The following IL13RA1 variants were observed in gnomAD, a reference collection of about 807,000 sequenced individuals.
IL13RA1 encodes the protein interleukin 13 receptor subunit alpha 1.
In IL13RA1, 14 loss-of-function variants were observed where a neutral mutation model predicts 33.8. The observed-to-expected ratio is 0.41, with a 90% CI of 0.27 to 0.65. IL13RA1 has a LOEUF of 0.65. Ranked by LOEUF, IL13RA1 falls within the 30% of genes least tolerant of loss-of-function variation. The pLI is 0.28. For missense variants in IL13RA1, 313 were observed against 327.0 expected, an observed-to-expected ratio of 0.96 and a Z score of 0.33; for synonymous variants, 116 against 115.7, an observed-to-expected ratio of 1.00 and a Z score of -0.02.
chrX:118,750,564 A>G (rs1276958871), intron 4 of IL13RA1, among the ~76,000 whole-genome samples: 1 of 111,459 alleles, frequency 9.0e-6, no homozygotes, highest in Non-Finnish European at 1.9e-5. Context: ...ATTATGAATA[A>G]AGCTACTGTA....
chrX:118,731,794 G>A (rs189770972), intron 1 of IL13RA1, among the ~76,000 whole-genome samples: 10 of 111,957 alleles, frequency 8.9e-5, no homozygotes, highest in Middle Eastern at 4.6e-3. Context: ...TAAGTAATTT[G>A]CCTGCTGGCA....
At chrX:118,776,541 G>GGT in intron 10 of IL13RA1, 30 bp downstream of exon 10, 2 of 224,601 alleles carry the variant, frequency 8.9e-6, no homozygotes, top group Non-Finnish European at 7.7e-6. Context: ...GGCTTGAAAT[G>GGT]TTTTTTTTTT....
At chrX:118,767,548 GAAAA>G (rs759733778) in intron 8 of IL13RA1, among the ~76,000 whole-genome samples, 3 of 102,325 alleles carry the variant, frequency 2.9e-5, no homozygotes, top group African/African-American at 1.1e-4. Flanking sequence ...CAAGGAAGAA[GAAAA>G]AAAAAAGGCA....
At chrX:118,770,019 C>A in intron 8 of IL13RA1, 1 of 225,887 alleles carries the variant, frequency 4.4e-6, no homozygotes, top group South Asian at 5.1e-5. Context: ...AGCAACTGCT[C>A]GGTGTGTGCT....
intron 3 of IL13RA1, among the ~76,000 whole-genome samples, chrX:118,749,351 T>C (rs1213060666): frequency 8.9e-6 from 1 of 112,413 alleles, no homozygotes; most frequent in Non-Finnish European, 1.9e-5. Flanking sequence ...TGTGTAGATA[T>C]TGTCTATGAT....
Position 118,791,781 on chromosome X carries a change from T to A in IL13RA1, c.1211T>A (p.Ile404Asn), listed in dbSNP as rs1232801644. The change falls in exon 11 of 11, where the codon ATC (isoleucine) becomes AAC (asparagine). Residue 404 changes from isoleucine (I) to asparagine (N), a missense_variant. Coordinates refer to ENST00000371666, the MANE Select transcript of IL13RA1 (RefSeq NM_001560.3). ...TTCTAGCACTGGAAGAAGTACGACA[T>A]CTATGAGAAGCAAACCAAGGAGGAA... ...DDTLHWKKYD[I>N]YEKQTKEETD... The A allele has an allele frequency of 5.8e-6, 6 of 1,040,483 alleles. No individual in the cohort carries two copies. The Admixed American group carries it at 6.7e-5, about 12-fold the overall frequency. The allele number at this position is 1,040,483 out of a possible 1,213,427, so 85.7% of individuals were successfully genotyped here. A position where few individuals can be genotyped will look rare whatever the true frequency, so the allele number is the denominator to read the frequency against.
chrX:118,732,468 T>C (rs1313238990), intron 1 of IL13RA1, among the ~76,000 whole-genome samples: 1 of 110,635 alleles, frequency 9.0e-6, no homozygotes, highest in Non-Finnish European at 1.9e-5. Context: ...GTTTGTTACA[T>C]ATGTATACAT....
At chrX:118,770,695 C>A in intron 8 of IL13RA1, 1 of 378,460 alleles carries the variant, frequency 2.6e-6, no homozygotes. Flanking sequence ...CGGCCACAGG[C>A]TCCGCATCTT....
At chrX:118,777,239 T>A (rs2017797011) in intron 10 of IL13RA1, among the ~76,000 whole-genome samples, 1 of 110,838 alleles carries the variant, frequency 9.0e-6, no homozygotes, top group African/African-American at 3.3e-5. Flanking sequence ...AATCATGCAA[T>A]AATTTGTCCT....
Position 118,792,011 on chromosome X carries a change from A to T in IL13RA1, c.*157A>T. ...CACAGGTCTTTATGTTGAGTCGCGC[A>T]CCGAAAAACTAAAAATAATGGGCGC... On this transcript the variant is annotated 3_prime_UTR_variant, in exon 11 of 11. Transcript: ENST00000371666. The T allele has an allele frequency of 3.1e-6, 1 of 327,187 alleles. No homozygotes were observed. Among genetic ancestry groups the T allele is most frequent in the South Asian group, 8.3e-5 (1 of 12,060 alleles). The allele number at this position is 327,187 out of a possible 1,213,427, so 27.0% of individuals were successfully genotyped here.
intron 8 of IL13RA1, among the ~76,000 whole-genome samples, chrX:118,773,593 GT>G (rs1207825113): frequency 8.9e-6 from 1 of 111,955 alleles, no homozygotes; most frequent in Non-Finnish European, 1.9e-5. Context: ...TAGTCTCTGA[GT>G]TTTTGAAAGA....
chrX:118,757,448 C>T (rs1364034168), intron 4 of IL13RA1, among the ~76,000 whole-genome samples: 6 of 93,171 alleles, frequency 6.4e-5, no homozygotes, highest in Non-Finnish European at 1.2e-4. Context: ...CACTGGAACT[C>T]GGGAGGCGGA....
intron 1 of IL13RA1, among the ~76,000 whole-genome samples, chrX:118,737,579 C>T: frequency 8.9e-6 from 1 of 111,816 alleles, no homozygotes; most frequent in East Asian, 2.8e-4. Flanking sequence ...CAGATAGCCC[C>T]AGGAAGCCCA....
chrX:118,791,932 T>C lies in IL13RA1; in HGVS notation c.*78T>C, dbSNP rs747123897. The stretch of plus-strand genomic sequence containing the variant: ...TCTCCATTTGTTATCTGGGAACTTA[T>C]TAAATGGAAACTGAAACTACTGCAC... On this transcript the variant is annotated 3_prime_UTR_variant, in exon 11 of 11. Coordinates refer to ENST00000371666, the MANE Select transcript of IL13RA1 (RefSeq NM_001560.3). The C allele has an allele frequency of 3.7e-5, 19 of 516,712 alleles. No individual in the cohort carries two copies. The highest frequency in any genetic ancestry group is 4.3e-5 in the Non-Finnish European group (13 of 302,668). 42.6% of individuals were successfully genotyped at this position (516,712 alleles called of 1,213,427 possible).
At chrX:118,780,429 G>A (rs2017830168) in intron 10 of IL13RA1, among the ~76,000 whole-genome samples, 1 of 112,783 alleles carries the variant, frequency 8.9e-6, no homozygotes, top group Admixed American at 9.4e-5. Flanking sequence ...CTGTCACTGT[G>A]TTAAGCCAAT....
chrX:118,763,436 T>C (rs2017611291), intron 6 of IL13RA1, among the ~76,000 whole-genome samples: 1 of 112,403 alleles, frequency 8.9e-6, no homozygotes, highest in Non-Finnish European at 1.9e-5. Context: ...GTCACATTTT[T>C]AGTAAGTGGT....
At chrX:118,795,767 T>C (rs2147409866), downstream of IL13RA1, among the ~76,000 whole-genome samples, 1 of 112,376 alleles carries the variant, frequency 8.9e-6, no homozygotes, top group African/African-American at 3.2e-5. Context: ...CTTGTTTCCA[T>C]GAACTCTTGC....
At chrX:118,737,766 A>T (rs1377779816) in intron 1 of IL13RA1, among the ~76,000 whole-genome samples, 2 of 112,080 alleles carry the variant, frequency 1.8e-5, no homozygotes, top group Non-Finnish European at 3.8e-5. Context: ...ATGAACCACA[A>T]ATAGGTATAT....
At chrX:118,774,579 C>A (rs758863771) in intron 9 of IL13RA1, among the ~76,000 whole-genome samples, 9 of 112,256 alleles carry the variant, frequency 8.0e-5, no homozygotes, top group Non-Finnish European at 1.7e-4. Context: ...CTTTCAAATG[C>A]CTAATCTATC....
Sources: gnomAD v4.1 joint callset for allele counts (sites outside exome capture counted in the v4.1 genomes callset) on GRCh38, gnomAD v4.1.1 for gene constraint, MANE v1.5 for transcripts, NCBI Gene and HGNC (gene_info 2026-07-23, HGNC 2026-07-21) for gene names.